The following IL1RAPL2 variants were observed in gnomAD, a reference collection of about 807,000 sequenced individuals.
IL1RAPL2 encodes the protein interleukin 1 receptor accessory protein like 2.
In IL1RAPL2, 3 loss-of-function variants were observed where a neutral mutation model predicts 44.1. That is an observed-to-expected ratio of 0.07 (90% CI 0.03 to 0.18). IL1RAPL2 has a LOEUF of 0.18. IL1RAPL2 is among the 10% of genes least tolerant of loss of function. The probability of loss-of-function intolerance (pLI) is 1.00; values close to 1 mark genes in which losing one functional copy is unlikely to be tolerated. For synonymous variants in IL1RAPL2, 181 were observed against 178.8 expected (o/e 1.01, Z -0.10); for missense variants, 391 against 496.4 (o/e 0.79, Z 2.02).
intron 6 of IL1RAPL2, among the ~76,000 whole-genome samples, chrX:105,516,682 G>A (rs906549104): frequency 8.9e-6 from 1 of 111,996 alleles, no homozygotes; most frequent in Non-Finnish European, 1.9e-5. Context: ...ATACAAGAGT[G>A]AGTGGTGATA....
intron 2 of IL1RAPL2, among the ~76,000 whole-genome samples, chrX:104,985,594 G>C (rs772062846): frequency 8.9e-6 from 1 of 111,960 alleles, no homozygotes; most frequent in Admixed American, 9.5e-5. Flanking sequence ...ACCTGTTACT[G>C]TTCTCACAGA....
At chrX:104,740,103 A>T in intron 2 of IL1RAPL2, among the ~76,000 whole-genome samples, 1 of 111,046 alleles carries the variant, frequency 9.0e-6, no homozygotes, top group South Asian at 3.8e-4. Context: ...AGGCACCTAC[A>T]TTTTTTTCCT....
At chrX:104,980,978 C>G (rs1259773758) in intron 2 of IL1RAPL2, among the ~76,000 whole-genome samples, 1 of 110,422 alleles carries the variant, frequency 9.1e-6, no homozygotes, top group Non-Finnish European at 1.9e-5. Context: ...TGTGTCATCT[C>G]TGATTTCTTC....
At chrX:104,644,440 T>A (rs1477083179) in intron 1 of IL1RAPL2, among the ~76,000 whole-genome samples, 2 of 111,796 alleles carry the variant, frequency 1.8e-5, no homozygotes, top group East Asian at 5.6e-4. Context: ...CATAAAACAC[T>A]TACCTGCACC....
At chrX:105,065,652 AAT>A (rs2032128842) in intron 2 of IL1RAPL2, among the ~76,000 whole-genome samples, 1 of 112,325 alleles carries the variant, frequency 8.9e-6, no homozygotes, top group Admixed American at 9.5e-5. Context: ...TCAGTGTTCA[AAT>A]ACCTAAAAGC....
intron 2 of IL1RAPL2, among the ~76,000 whole-genome samples, chrX:104,767,622 C>A (rs1179038744): frequency 9.0e-6 from 1 of 111,640 alleles, no homozygotes; most frequent in Non-Finnish European, 1.9e-5. Flanking sequence ...TCAGATAACA[C>A]CGGCAAAAAG....
chrX:104,773,656 G>A lies in IL1RAPL2; in HGVS notation c.82+114661G>A, dbSNP rs192077921. On this transcript the variant is annotated intron_variant, in intron 2 of 10. Transcript: ENST00000372582. The stretch of plus-strand genomic sequence containing the variant: ...GTGGACACACCTGGGAAAGAAGTTC[G>A]TGCTGTTGTCAATAAACTTGGAGTT... Among the ~76,000 whole-genome samples, 7 of 111,892 alleles carry A rather than the reference G, an allele frequency of 6.3e-5. No individual in the cohort carries two copies. In the Admixed American group the frequency reaches 6.6e-4, roughly 11 times the overall value.
chrX:105,002,627 A>C (rs2032919231), intron 2 of IL1RAPL2, among the ~76,000 whole-genome samples: 1 of 110,920 alleles, frequency 9.0e-6, no homozygotes, highest in South Asian at 3.8e-4. Flanking sequence ...TATTGTTTAC[A>C]TACAATACCT....
intron 2 of IL1RAPL2, among the ~76,000 whole-genome samples, chrX:105,012,417 G>T (rs1394975655): frequency 1.8e-5 from 2 of 110,372 alleles, no homozygotes; most frequent in Non-Finnish European, 3.8e-5. Context: ...AGACATCAGG[G>T]CTTTCTAGGT....
intron 2 of IL1RAPL2, among the ~76,000 whole-genome samples, chrX:104,921,444 G>T (rs1022139559): frequency 8.9e-6 from 1 of 112,292 alleles, no homozygotes; most frequent in African/African-American, 3.2e-5. Flanking sequence ...ATTCCCACAG[G>T]GGAGGGGCCA....
In IL1RAPL2 at chrX:105,740,659, G is replaced by A. The variant is rs1394614053; in HGVS notation, c.1016G>A (p.Arg339Gln). Residue 339 changes from arginine to glutamine, a missense_variant, in exon 8 of 11, where the codon CGG (arginine) becomes CAG (glutamine). This residue lies in a region of IL1RAPL2 where 159 missense variants were observed against 251.7 expected (regional missense o/e 0.63). Transcript: ENST00000372582. ...YTCHVENRNG[R>Q]KHASVLLRKK... ...TGCCATGTTGAAAACCGAAATGGAC[G>A]GAAACATGCCAGTGTTTTGCTGCGT... 4.1e-6 allele frequency: 5 copies of A among 1,208,601 alleles called. No homozygotes were observed. Among genetic ancestry groups the A allele is most frequent in the Admixed American group, 2.2e-5 (1 of 45,895 alleles).
At chrX:104,619,517 C>G (rs1423988199) in intron 1 of IL1RAPL2, among the ~76,000 whole-genome samples, 2 of 111,904 alleles carry the variant, frequency 1.8e-5, no homozygotes, top group South Asian at 3.8e-4. Context: ...CCAGTGTTCT[C>G]CACAGGACCA....
intron 5 of IL1RAPL2, among the ~76,000 whole-genome samples, chrX:105,293,818 G>C (rs2034634363): frequency 9.0e-6 from 1 of 111,415 alleles, no homozygotes; most frequent in African/African-American, 3.3e-5. Flanking sequence ...CAAGCTCTAA[G>C]GACCCTTTAA....
intron 1 of IL1RAPL2, among the ~76,000 whole-genome samples, chrX:104,627,214 A>G (rs1010075331): frequency 2.8e-5 from 3 of 107,889 alleles, no homozygotes; most frequent in Admixed American, 2.0e-4. Context: ...TCATTGTTCA[A>G]TTCCCACCTA....
intron 2 of IL1RAPL2, among the ~76,000 whole-genome samples, chrX:105,051,846 A>G (rs1292858071): frequency 8.9e-6 from 1 of 112,392 alleles, no homozygotes; most frequent in East Asian, 2.8e-4. Context: ...AGAGGGGAAC[A>G]ACATACACCA....
At chrX:105,684,147 A>G (rs1338497216) in intron 6 of IL1RAPL2, among the ~76,000 whole-genome samples, 1 of 111,775 alleles carries the variant, frequency 8.9e-6, no homozygotes, top group African/African-American at 3.3e-5. Context: ...TGCATTTCCA[A>G]CTGAGGTACT....
chrX:105,693,054 C>T (rs2038048311), intron 6 of IL1RAPL2, among the ~76,000 whole-genome samples: 1 of 111,505 alleles, frequency 9.0e-6, no homozygotes, highest in African/African-American at 3.3e-5. Flanking sequence ...CTAGCTCTTT[C>T]CTGGTCCTCT....
intron 2 of IL1RAPL2, among the ~76,000 whole-genome samples, chrX:105,008,921 A>C (rs1325565513): frequency 8.9e-6 from 1 of 111,830 alleles, no homozygotes; most frequent in Non-Finnish European, 1.9e-5. Flanking sequence ...AACCAACCCC[A>C]TCAAAAAGTG....
At chrX:104,718,457 G>T (rs1224456788) in intron 2 of IL1RAPL2, among the ~76,000 whole-genome samples, 1 of 111,031 alleles carries the variant, frequency 9.0e-6, no homozygotes, top group Non-Finnish European at 1.9e-5. Flanking sequence ...GACCTGGTGG[G>T]AAGTGATGGG....
Sources: allele counts gnomAD v4.1 joint callset (sites outside exome capture counted in the v4.1 genomes callset), GRCh38; gene constraint gnomAD v4.1.1; regional missense constraint gnomAD v4.1.1; transcripts MANE v1.5; gene names NCBI Gene and HGNC (gene_info 2026-07-23, HGNC 2026-07-21).